Variants in IL31RA observed in about 807,000 individuals in gnomAD.
IL31RA encodes interleukin 31 receptor A.
A neutral mutation model predicts 83.7 loss-of-function variants in IL31RA; 66 were observed. The ratio of observed to expected loss-of-function variants is 0.79; its 90% confidence interval spans 0.65 to 0.97. The LOEUF (loss-of-function observed/expected upper bound fraction) is 0.97. Among genes scored for constraint, IL31RA ranks in the 50% least tolerant of loss-of-function variants. IL31RA has a pLI of 0.00. For synonymous variants in IL31RA, 325 were observed against 329.0 expected (o/e 0.99, Z 0.13); for missense variants, 798 against 919.4 (o/e 0.87, Z 1.71).
intron 8 of IL31RA, among the ~76,000 whole-genome samples, chr5:55,902,804 G>C (rs1392655044): frequency 6.6e-6 from 1 of 152,164 alleles, no homozygotes; most frequent in Non-Finnish European, 1.5e-5. Context: ...CAGGAATTGT[G>C]CTAAGATAAC....
At chr5:55,878,415 C>T (rs1746990037) in intron 4 of IL31RA, among the ~76,000 whole-genome samples, 1 of 152,020 alleles carries the variant, frequency 6.6e-6, no homozygotes, top group Non-Finnish European at 1.5e-5. Context: ...CTTTGTATGC[C>T]TTGCAATTTT....
chr5:55,916,545 C>A, intron 14 of IL31RA, 99 bp from the exon 15 acceptor site: 1 of 987,820 alleles, frequency 1.0e-6, no homozygotes, highest in Non-Finnish European at 1.6e-6. Context: ...GGGGGCTGTT[C>A]CAGAGATGGG....
At chr5:55,875,101 C>G (rs74669250) in intron 4 of IL31RA, among the ~76,000 whole-genome samples, 1,557 of 152,222 alleles carry the variant, frequency 0.01, 6 homozygotes, top group Non-Finnish European at 0.013. Flanking sequence ...GATCTTGTCA[C>G]ATGCCTTTTC....
chr5:55,918,108 C>T lies in IL31RA; in HGVS notation c.*988C>T, dbSNP rs556361561. 1.3e-5 allele frequency among the ~76,000 whole-genome samples: 2 copies of T among 152,302 alleles called. No individual in the cohort carries two copies. Among genetic ancestry groups the T allele is most frequent in the Admixed American group, 6.5e-5 (1 of 15,292 alleles). ...TTGTGACAGTTAGTGGAGCCTTTCA[C>T]GAAAGTGTGGATTGCTGGCTTCAGC... On this transcript the variant is annotated 3_prime_UTR_variant, in exon 15 of 15. Coordinates refer to ENST00000652347, the MANE Select transcript of IL31RA (RefSeq NM_139017.7).
At chr5:55,850,620 C>T (rs577400537), upstream of IL31RA, among the ~76,000 whole-genome samples, 5 of 152,242 alleles carry the variant, frequency 3.3e-5, no homozygotes, top group African/African-American at 1.2e-4. Flanking sequence ...CCCCCATCTG[C>T]TGTTGGGATG....
chr5:55,876,473 T>C (rs1197099895), intron 4 of IL31RA, among the ~76,000 whole-genome samples: 1 of 152,210 alleles, frequency 6.6e-6, no homozygotes, highest in Non-Finnish European at 1.5e-5. Flanking sequence ...AGTGATAATT[T>C]GCTTAAACCT....
chr5:55,886,602 T>C (rs1476676430), intron 5 of IL31RA, among the ~76,000 whole-genome samples: 1 of 152,108 alleles, frequency 6.6e-6, no homozygotes, highest in Non-Finnish European at 1.5e-5. Context: ...TACAAGCAGT[T>C]ATCCTCAGTT....
intron 4 of IL31RA, among the ~76,000 whole-genome samples, chr5:55,882,112 A>G (rs901984481): frequency 6.8e-6 from 1 of 147,702 alleles, no homozygotes; most frequent in African/African-American, 2.5e-5. Flanking sequence ...GCCAATTATT[A>G]GGTTTGCAAG....
chr5:55,848,659 A>C (rs143526626), upstream of IL31RA, among the ~76,000 whole-genome samples: 18 of 152,280 alleles, frequency 1.2e-4, no homozygotes, highest in Non-Finnish European at 2.1e-4. Flanking sequence ...AAACTCCATG[A>C]TTATTTCTTT....
At chr5:55,912,346 T>G (rs1474792210) in intron 12 of IL31RA, among the ~76,000 whole-genome samples, 1 of 152,244 alleles carries the variant, frequency 6.6e-6, no homozygotes, top group African/African-American at 2.4e-5. Flanking sequence ...TCCTACTGCT[T>G]TCTGCCTCTA....
chr5:55,867,089 G>GTGTGTGCGCA (rs145135801), intron 2 of IL31RA, among the ~76,000 whole-genome samples: 25 of 84,430 alleles, frequency 3.0e-4, no homozygotes, highest in African/African-American at 9.1e-4. Flanking sequence ...GTGTGTTTGT[G>GTGTGTGCGCA]TGTGTGTGTT....
At chr5:55,854,196 C>G (rs1240278403) in intron 1 of IL31RA, among the ~76,000 whole-genome samples, 1 of 152,162 alleles carries the variant, frequency 6.6e-6, no homozygotes, top group African/African-American at 2.4e-5. Context: ...AGTCTCACTA[C>G]TGGCTGTCTC....
intron 4 of IL31RA, among the ~76,000 whole-genome samples, chr5:55,882,573 A>G (rs1448376102): frequency 6.6e-6 from 1 of 152,244 alleles, no homozygotes; most frequent in Non-Finnish European, 1.5e-5. Context: ...TGCTACATTT[A>G]TAACTAGAAA....
intron 8 of IL31RA, 67 bp downstream of exon 8, chr5:55,900,199 T>C (rs1405729591): frequency 1.8e-6 from 2 of 1,115,814 alleles, no homozygotes; most frequent in South Asian, 1.2e-5. Context: ...GCAGTCCCTG[T>C]GCTCTCAAGG....
intron 2 of IL31RA, among the ~76,000 whole-genome samples, chr5:55,860,004 C>T (rs1182481911): frequency 6.6e-6 from 1 of 152,088 alleles, no homozygotes; most frequent in East Asian, 1.9e-4. Context: ...AGTTTAGGTA[C>T]ATTTAGGCAT....
intron 1 of IL31RA, chr5:55,853,708 G>A (rs1024123293): frequency 1.3e-6 from 1 of 791,532 alleles, no homozygotes; most frequent in South Asian, 2.0e-5. Context: ...TGATAGTTAA[G>A]GGAATCTAAT....
At chr5:55,897,468 G>A (rs766181000) in intron 7 of IL31RA, among the ~76,000 whole-genome samples, 5 of 152,210 alleles carry the variant, frequency 3.3e-5, no homozygotes, top group African/African-American at 1.2e-4. Flanking sequence ...GTAAGTCTCC[G>A]GAACCCCCCT....
At chr5:55,908,705 C>A in intron 11 of IL31RA, 1 of 1,460,048 alleles carries the variant, frequency 6.8e-7, no homozygotes, top group Non-Finnish European at 9.0e-7. Flanking sequence ...AGCTCCCCGA[C>A]CATCATTCCC....
intron 2 of IL31RA, among the ~76,000 whole-genome samples, chr5:55,867,279 ATGTGTGTGTGCATGTGTGTGTGTGCG>A (rs1746221687): frequency 1.4e-4 from 2 of 14,224 alleles, no homozygotes; most frequent in African/African-American, 7.5e-4. Flanking sequence ...GTGTGTGTGC[ATGTGTGTGTGCATGTGTGTGTGTGCG>A]TGTGTGTGTG....
Sources: gnomAD v4.1 joint callset for allele counts (sites outside exome capture counted in the v4.1 genomes callset) on GRCh38, gnomAD v4.1.1 for gene constraint, MANE v1.5 for transcripts, NCBI Gene and HGNC (gene_info 2026-07-23, HGNC 2026-07-21) for gene names.